Variants in SYNJ2 observed in about 807,000 individuals in gnomAD.
The protein encoded by SYNJ2 is polyphosphatidylinositol phosphatase SYNJ2.
Under a neutral mutation model 141.3 loss-of-function variants are expected in SYNJ2, and 116 were observed. The observed-to-expected ratio is 0.82, with a 90% CI of 0.71 to 0.96. The LOEUF is 0.96. SYNJ2 is among the 40% of genes least tolerant of loss of function. SYNJ2 has a pLI of 0.00. For synonymous variants in SYNJ2, 745 were observed against 777.7 expected (o/e 0.96, Z 0.70); for missense variants, 1,873 against 1,934.8 (o/e 0.97, Z 0.60).
At chr6:158,073,876 G>A (rs112351113) in intron 15 of SYNJ2, among the ~76,000 whole-genome samples, 2,432 of 150,120 alleles carry the variant, frequency 0.016, 30 homozygotes, top group Non-Finnish European at 0.022. Flanking sequence ...GTAACCTTCA[G>A]CAAGTGCCTT....
chr6:158,000,917 C>G (rs986769185), intron 1 of SYNJ2, among the ~76,000 whole-genome samples: 1 of 152,138 alleles, frequency 6.6e-6, no homozygotes, highest in Non-Finnish European at 1.5e-5. Context: ...CATCTGGAAT[C>G]CATCTTCCTC....
intron 1 of SYNJ2, among the ~76,000 whole-genome samples, chr6:157,988,589 C>G (rs907251128): frequency 6.6e-6 from 1 of 152,092 alleles, no homozygotes; most frequent in African/African-American, 2.4e-5. Context: ...CTCAGGGTCC[C>G]CTTTGTGCTT....
At chr6:158,033,076 G>A (rs955656033) in intron 3 of SYNJ2, among the ~76,000 whole-genome samples, 1 of 152,138 alleles carries the variant, frequency 6.6e-6, no homozygotes, top group African/African-American at 2.4e-5. Flanking sequence ...TACCAATGGG[G>A]CCTGCGATGA....
chr6:158,000,710 C>A (rs996715278), intron 1 of SYNJ2, among the ~76,000 whole-genome samples: 2 of 152,144 alleles, frequency 1.3e-5, no homozygotes, highest in Non-Finnish European at 2.9e-5. Flanking sequence ...CCCGCCACCC[C>A]TGACCTACCC....
chr6:158,059,045 C>T (rs1467801158), intron 6 of SYNJ2, among the ~76,000 whole-genome samples: 1 of 152,264 alleles, frequency 6.6e-6, no homozygotes, highest in East Asian at 1.9e-4. Context: ...ATGTAGAAGT[C>T]TACGCTAGCT....
At chr6:158,068,038 C>T (rs1781671842) in intron 12 of SYNJ2, 1 of 961,404 alleles carries the variant, frequency 1.0e-6, no homozygotes, top group Admixed American at 6.2e-5. Context: ...AGCAGGCTCC[C>T]CAGCAGTCCC....
Position 158,084,079 on chromosome 6 carries a change from G to A in SYNJ2, c.3113G>A (p.Gly1038Glu), listed in dbSNP as rs1336598453. The A allele has an allele frequency of 6.2e-7, 1 of 1,614,012 alleles. No homozygotes were observed. Among genetic ancestry groups the A allele is most frequent in the African/African-American group, 1.3e-5 (1 of 74,908 alleles). ...QPGVSDSELG[G>E]DDLSDVPGPT... The stretch of plus-strand genomic sequence containing the variant: ...GGAGTCTCGGACAGTGAACTCGGGG[G>A]AGACGACCTCTCTGATGTCCCCGGC... Residue 1038 changes from glycine (G) to glutamate (E), a missense_variant, in exon 22 of 27, where the codon GGA becomes GAA. Gly to Glu is a moderately conservative substitution (Grantham distance 98). Transcript: ENST00000355585. This position sits in a 1 kb window ranked among gnomAD's most constrained non-coding sequence, Gnocchi z 5.0.
At chr6:158,055,590 A>G (rs986542735) in intron 6 of SYNJ2, among the ~76,000 whole-genome samples, 3 of 152,104 alleles carry the variant, frequency 2.0e-5, no homozygotes, top group African/African-American at 7.2e-5. Flanking sequence ...AGCTTGCTTA[A>G]GAAAAGCAGA....
Position 158,064,765 on chromosome 6 carries a change from A to AG in SYNJ2, c.1359+20dup. The stretch of plus-strand genomic sequence containing the variant: ...GGAAGGCCAAGGTAGGGCCCCGCCG[A>AG]GGGGGCAGGGTGGGGGCCCCAGGGA... On this transcript the variant is annotated intron_variant, in intron 10 of 26. Coordinates refer to ENST00000355585, the MANE Select transcript of SYNJ2 (RefSeq NM_003898.4). 6.2e-7 allele frequency: 1 copy of AG among 1,612,938 alleles called. No homozygotes were observed. Among genetic ancestry groups the AG allele is most frequent in the Non-Finnish European group, 8.5e-7 (1 of 1,179,574 alleles).
intron 8 of SYNJ2, among the ~76,000 whole-genome samples, chr6:158,062,992 A>G (rs1781318184): frequency 6.6e-6 from 1 of 152,168 alleles, no homozygotes; most frequent in Non-Finnish European, 1.5e-5. Flanking sequence ...TTGTCCCTAT[A>G]TGAGCTACAG....
At chr6:157,991,219 G>C (rs919446686) in intron 1 of SYNJ2, among the ~76,000 whole-genome samples, 5 of 152,182 alleles carry the variant, frequency 3.3e-5, no homozygotes, top group African/African-American at 4.8e-5. Flanking sequence ...GTTGTGACCA[G>C]GTGAGGGACG....
intron 4 of SYNJ2, 141 bp downstream of exon 4, chr6:158,033,821 C>T (rs1479526215): frequency 3.7e-6 from 3 of 805,232 alleles, no homozygotes; most frequent in Non-Finnish European, 3.8e-6. Context: ...AAGTGGAGAA[C>T]AGCACGTGTA....
At position 158,027,143 on chromosome 6, in the gene SYNJ2, C is replaced by T. The variant is rs558460940; in HGVS notation, c.215-1613C>T. ...CCACACGCCACCCTGCCACAAGCAGCGCTCTTCTCCCTATGAAGTGTGGTG... is the reference window on the plus strand; with the variant it reads ...CCACACGCCACCCTGCCACAAGCAGTGCTCTTCTCCCTATGAAGTGTGGTG... On this transcript the variant is annotated intron_variant, in intron 2 of 26. Coordinates refer to ENST00000355585, the MANE Select transcript of SYNJ2 (RefSeq NM_003898.4). This position sits in a 1 kb window ranked among gnomAD's most constrained non-coding sequence, Gnocchi z 4.6. 12 of 985,396 alleles carry T rather than the reference C, an allele frequency of 1.2e-5. No individual in the cohort carries two copies. In the South Asian group the frequency reaches 2.8e-4, roughly 23 times the overall value. The allele number at this position is 985,396 out of a possible 1,614,324, so 61.0% of individuals were successfully genotyped here. A position where few individuals can be genotyped will look rare whatever the true frequency, so the allele number is the denominator to read the frequency against.
chr6:158,072,292 T>C (rs1781984365), intron 15 of SYNJ2, among the ~76,000 whole-genome samples: 1 of 152,240 alleles, frequency 6.6e-6, no homozygotes, highest in Non-Finnish European at 1.5e-5. Flanking sequence ...GGAGCCCAGA[T>C]CCTGCCTGTC....
intron 15 of SYNJ2, among the ~76,000 whole-genome samples, chr6:158,072,809 C>T (rs570173823): frequency 2.5e-4 from 38 of 152,058 alleles, no homozygotes; most frequent in Admixed American, 2.5e-3. Flanking sequence ...GTGGCTCACA[C>T]CTGTAATCCC....
At chr6:158,047,753 G>T (rs1335915039) in intron 5 of SYNJ2, among the ~76,000 whole-genome samples, 2 of 109,290 alleles carry the variant, frequency 1.8e-5, no homozygotes, top group Non-Finnish European at 3.4e-5. Flanking sequence ...CTCTAGCCTG[G>T]TCAACAGAGT....
chr6:158,031,718 G>A (rs1273655688), intron 3 of SYNJ2, among the ~76,000 whole-genome samples: 2 of 152,158 alleles, frequency 1.3e-5, no homozygotes, highest in African/African-American at 4.8e-5. Flanking sequence ...TCATCTTTCT[G>A]GGCTGGTAAT....
chr6:158,024,910 G>T lies in SYNJ2; in HGVS notation c.215-3846G>T, dbSNP rs377597770. On this transcript the variant is annotated intron_variant, in intron 2 of 26. Transcript: ENST00000355585. ...GAGGCTCCCAGAGTTTTAGTTTTAC[G>T]TGTCAATATTTAGAATACACTGCAC... Among the ~76,000 whole-genome samples, 6 of 152,292 alleles carry T rather than the reference G, an allele frequency of 3.9e-5. No individual in the cohort carries two copies. In the South Asian group the frequency reaches 1.2e-3, roughly 32 times the overall value.
chr6:158,079,409 G>A (rs1782534028), intron 18 of SYNJ2: 1 of 147,586 alleles, frequency 6.8e-6, no homozygotes, highest in Admixed American at 6.7e-5. Context: ...TTGAGACAGA[G>A]TCCTCCAGGC....
Sources: allele counts gnomAD v4.1 joint callset (sites outside exome capture counted in the v4.1 genomes callset), GRCh38; gene constraint gnomAD v4.1.1; non-coding constraint Gnocchi (gnomAD v3.1); transcripts MANE v1.5; gene names NCBI Gene and HGNC (gene_info 2026-07-23, HGNC 2026-07-21).